The following GUCY1A1 variants were observed in gnomAD, a reference collection of about 807,000 sequenced individuals.
The protein encoded by GUCY1A1 is guanylate cyclase soluble subunit alpha-1.
GUCY1A1 carries 48 observed loss-of-function variants against 64.5 expected under a neutral mutation model. That is an observed-to-expected ratio of 0.74 (90% CI 0.59 to 0.95). The LOEUF (loss-of-function observed/expected upper bound fraction) is 0.95, where lower values mean the gene tolerates loss of function less well. Ranked by LOEUF, GUCY1A1 falls within the 40% of genes least tolerant of loss-of-function variation. The probability of loss-of-function intolerance (pLI) is 0.00; values close to 1 mark genes in which losing one functional copy is unlikely to be tolerated. For synonymous variants in GUCY1A1, 308 were observed against 303.4 expected (o/e 1.02, Z -0.16); for missense variants, 804 against 825.3 (o/e 0.97, Z 0.32).
At chr4:155,719,771 A>T (rs894065478) in intron 8 of GUCY1A1, among the ~76,000 whole-genome samples, 2 of 152,100 alleles carry the variant, frequency 1.3e-5, no homozygotes, top group African/African-American at 4.8e-5. Context: ...ACAAGTGAAC[A>T]CGGAAGCAAA....
At chr4:155,678,197 G>A (rs1334575592) in intron 2 of GUCY1A1, among the ~76,000 whole-genome samples, 2 of 152,106 alleles carry the variant, frequency 1.3e-5, no homozygotes, top group African/African-American at 4.8e-5. Context: ...ATCATCACAT[G>A]TCATGTAGTC....
chr4:155,673,324 A>G lies in GUCY1A1; in HGVS notation c.-113+5905A>G, dbSNP rs550297770. Among the ~76,000 whole-genome samples the G allele has an allele frequency of 5.3e-5, 8 of 151,724 alleles. No homozygotes were observed. The South Asian group carries it at 1.7e-3, about 31-fold the overall frequency. On this transcript the variant is annotated intron_variant, in intron 2 of 9. Transcript: ENST00000506455. Reference sequence around the variant, plus strand: ...CACACTCCTTGACTTGAAGGAATTTAAAGTCTGCATGAACAAAACCAAGAA... The same window carrying G: ...CACACTCCTTGACTTGAAGGAATTTGAAGTCTGCATGAACAAAACCAAGAA...
chr4:155,704,118 T>C, intron 4 of GUCY1A1, 125 bp downstream of exon 4: 2 of 585,264 alleles, frequency 3.4e-6, no homozygotes, highest in Non-Finnish European at 6.2e-6. Flanking sequence ...GAAACTGGAC[T>C]TAGTACTTTA....
intron 2 of GUCY1A1, among the ~76,000 whole-genome samples, chr4:155,692,248 C>A (rs1729845853): frequency 2.0e-5 from 3 of 152,082 alleles, no homozygotes; most frequent in Admixed American, 2.0e-4. Flanking sequence ...AGTGTTCCAA[C>A]AAACATACGT....
chr4:155,707,414 A>G (rs1381450363), intron 4 of GUCY1A1, among the ~76,000 whole-genome samples: 1 of 152,226 alleles, frequency 6.6e-6, no homozygotes, highest in African/African-American at 2.4e-5. Context: ...CTGGCAACAC[A>G]GTGCACTGTA....
chr4:155,717,820 T>G (rs902061414), intron 8 of GUCY1A1, among the ~76,000 whole-genome samples: 7 of 152,194 alleles, frequency 4.6e-5, no homozygotes, highest in African/African-American at 1.7e-4. Context: ...ACACAAAGGC[T>G]TCCACAATTG....
At chr4:155,708,339 T>C (rs1408371908) in intron 5 of GUCY1A1, 45 bp downstream of exon 5, 1 of 958,528 alleles carries the variant, frequency 1.0e-6, no homozygotes, top group South Asian at 1.4e-5. Context: ...CATATACCTG[T>C]AGAACTCACA....
intron 2 of GUCY1A1, among the ~76,000 whole-genome samples, chr4:155,684,661 C>A (rs540815860): frequency 1.3e-5 from 2 of 152,266 alleles, no homozygotes; most frequent in East Asian, 1.9e-4. Flanking sequence ...AAGAAAATTT[C>A]TCTGAGAAAC....
intron 3 of GUCY1A1, among the ~76,000 whole-genome samples, chr4:155,699,432 T>C (rs1730810504): frequency 1.3e-5 from 2 of 152,166 alleles, no homozygotes; most frequent in Admixed American, 1.3e-4. Context: ...AAATTGTATA[T>C]AAAAAATTTA....
intron 2 of GUCY1A1, among the ~76,000 whole-genome samples, chr4:155,692,210 G>T (rs1470915779): frequency 6.6e-6 from 1 of 152,088 alleles, no homozygotes; most frequent in African/African-American, 2.4e-5. Context: ...GGGCAATTAG[G>T]TTGATTCCAT....
chr4:155,684,691 C>A (rs968694211), intron 2 of GUCY1A1, among the ~76,000 whole-genome samples: 3 of 152,100 alleles, frequency 2.0e-5, no homozygotes, highest in African/African-American at 7.2e-5. Context: ...CAAAGTTTAT[C>A]CCTTGGCTTT....
chr4:155,686,730 G>T (rs28753763), intron 2 of GUCY1A1, among the ~76,000 whole-genome samples: 14 of 152,072 alleles, frequency 9.2e-5, no homozygotes, highest in Non-Finnish European at 1.6e-4. Context: ...ATGGCATAAG[G>T]CTTGCTTGAT....
At chr4:155,724,456 A>T (rs1734390523) in intron 9 of GUCY1A1, among the ~76,000 whole-genome samples, 1 of 152,054 alleles carries the variant, frequency 6.6e-6, no homozygotes, top group African/African-American at 2.4e-5. Context: ...AACTCACTCC[A>T]GTCAGTGTTT....
chr4:155,667,302 A>T (rs1277221510), intron 1 of GUCY1A1, 44 bp from the exon 2 acceptor site: 1 of 152,290 alleles, frequency 6.6e-6, no homozygotes, highest in Non-Finnish European at 1.5e-5. Context: ...TCTCCCGCTC[A>T]CTGCCTGCCA....
Position 155,707,307 on chromosome 4 carries a change from A to C in GUCY1A1, c.318-929A>C, listed in dbSNP as rs367829959. 7.2e-5 allele frequency among the ~76,000 whole-genome samples: 11 copies of C among 152,334 alleles called. No homozygotes were observed. In the East Asian group the frequency reaches 1.7e-3, roughly 24 times the overall value. On this transcript the variant is annotated intron_variant, in intron 4 of 9. Transcript: ENST00000506455. ...GTAACTTGAAAACACCCTAAGTGGA[A>C]AATGCATTTAACACGCTTAACCTAC...
intron 9 of GUCY1A1, among the ~76,000 whole-genome samples, chr4:155,726,693 A>G (rs1199333456): frequency 1.3e-5 from 2 of 152,060 alleles, no homozygotes; most frequent in East Asian, 1.9e-4. Flanking sequence ...GTGATTCAGA[A>G]TGTAGCAGTG....
rs759309725 is a variant in GUCY1A1 at position 155,733,692 on chromosome 4, G to A, written c.*3461G>A. ...GAAAAAAAAAAAAGAAGCAACATGA[G>A]TAAAATTAGATCCATTGGCTACTGA... On this transcript the variant is annotated 3_prime_UTR_variant, in exon 10 of 10. Transcript: ENST00000506455. Among the ~76,000 whole-genome samples, 3 of 150,604 alleles carry A rather than the reference G, an allele frequency of 2.0e-5. No homozygotes were observed. Among genetic ancestry groups the A allele is most frequent in the Admixed American group, 6.6e-5 (1 of 15,054 alleles).
At chr4:155,683,864 C>T (rs1398742024) in intron 2 of GUCY1A1, among the ~76,000 whole-genome samples, 4 of 152,132 alleles carry the variant, frequency 2.6e-5, no homozygotes, top group African/African-American at 9.7e-5. Flanking sequence ...TCAAAGTATT[C>T]CCTGCAGTGG....
intron 9 of GUCY1A1, among the ~76,000 whole-genome samples, chr4:155,725,013 C>A (rs960385459): frequency 6.6e-6 from 1 of 152,078 alleles, no homozygotes; most frequent in African/African-American, 2.4e-5. Flanking sequence ...CATTTCTTCT[C>A]CTCTCTTTAA....
Sources: allele counts gnomAD v4.1 joint callset (sites outside exome capture counted in the v4.1 genomes callset), GRCh38; gene constraint gnomAD v4.1.1; transcripts MANE v1.5; gene names NCBI Gene and HGNC (gene_info 2026-07-23, HGNC 2026-07-21).